The following LARGE1 variants were observed in gnomAD, a reference collection of about 807,000 sequenced individuals.
LARGE1 encodes the protein xylosyl- and glucuronyltransferase LARGE1.
LARGE1 carries 43 observed loss-of-function variants against 87.6 expected under a neutral mutation model. The observed-to-expected ratio is 0.49, with a 90% CI of 0.38 to 0.63. The LOEUF is 0.63. Among genes scored for constraint, LARGE1 ranks in the 30% least tolerant of loss-of-function variants. The pLI, the probability that LARGE1 is intolerant of heterozygous loss-of-function variation, is 0.00. For synonymous variants in LARGE1, 434 were observed against 394.6 expected, an observed-to-expected ratio of 1.10 and a Z score of -1.18; for missense variants, 802 against 1,000.2, an observed-to-expected ratio of 0.80 and a Z score of 2.67.
intron 4 of LARGE1, among the ~76,000 whole-genome samples, chr22:33,606,033 G>C (rs1450785318): frequency 1.3e-5 from 2 of 152,154 alleles, no homozygotes; most frequent in Admixed American, 6.5e-5. Flanking sequence ...TATTAGGAGT[G>C]GGGGCCGGGG....
the LARGE1 span, among the ~76,000 whole-genome samples, chr22:33,136,077 G>A: frequency 1.3e-5 from 2 of 151,898 alleles, no homozygotes; most frequent in African/African-American, 4.9e-5. Flanking sequence ...GAGAATTTAA[G>A]TAATTGGACT....
chr22:33,534,239 C>T lies in LARGE1; in HGVS notation c.787+30609G>A, dbSNP rs903550186. On this transcript the variant is annotated intron_variant, in intron 6 of 14. Transcript: ENST00000397394. ...CCAGCACGGTGAAACCCTGTCTCTA[C>T]TAAAAATACAAAAAATTAGCCGGGC... Among the ~76,000 whole-genome samples the T allele has an allele frequency of 5.3e-5, 8 of 152,132 alleles. No individual in the cohort carries two copies. In the East Asian group the frequency reaches 1.6e-3, roughly 30 times the overall value.
intron 2 of LARGE1, among the ~76,000 whole-genome samples, chr22:33,718,247 C>T (rs1291146836): frequency 6.6e-6 from 1 of 152,202 alleles, no homozygotes; most frequent in Non-Finnish European, 1.5e-5. Context: ...GCCCATCCTC[C>T]TGCTCTGAGA....
At chr22:33,876,262 T>C (rs922574259) in intron 1 of LARGE1, among the ~76,000 whole-genome samples, 3 of 152,028 alleles carry the variant, frequency 2.0e-5, no homozygotes, top group African/African-American at 7.2e-5. Flanking sequence ...CTGGTCCCCA[T>C]GATAACTCCA....
intron 6 of LARGE1, among the ~76,000 whole-genome samples, chr22:33,441,650 G>A (rs549141656): frequency 2.6e-5 from 4 of 152,116 alleles, no homozygotes; most frequent in African/African-American, 9.6e-5. Flanking sequence ...TAGACATGGG[G>A]GTCTCGCTAT....
chr22:33,576,254 T>A (rs1233162517), intron 5 of LARGE1, among the ~76,000 whole-genome samples: 1 of 152,236 alleles, frequency 6.6e-6, no homozygotes, highest in African/African-American at 2.4e-5. Flanking sequence ...AAAACACTTA[T>A]TGAGAACCAT....
At chr22:33,385,739 C>G (rs1197121218) in intron 7 of LARGE1, among the ~76,000 whole-genome samples, 23 of 147,858 alleles carry the variant, frequency 1.6e-4, no homozygotes, top group Non-Finnish European at 7.6e-5. Flanking sequence ...TCCCTGCAGG[C>G]CACTGCAGTC....
chr22:33,537,963 G>A (rs1019479768), intron 6 of LARGE1, among the ~76,000 whole-genome samples: 1 of 152,174 alleles, frequency 6.6e-6, no homozygotes, highest in Non-Finnish European at 1.5e-5. Flanking sequence ...GGTAGAAAGA[G>A]GAGGACCTGC....
At chr22:33,351,243 T>C (rs568064276) in intron 9 of LARGE1, among the ~76,000 whole-genome samples, 216 of 152,266 alleles carry the variant, frequency 1.4e-3, no homozygotes, top group African/African-American at 5.0e-3. Context: ...CACCCTGCCA[T>C]AACAGAGAAA....
At chr22:33,565,556 G>A (rs1273328418) in intron 5 of LARGE1, among the ~76,000 whole-genome samples, 1 of 128,092 alleles carries the variant, frequency 7.8e-6, no homozygotes, top group African/African-American at 2.7e-5. Flanking sequence ...TTTATTCTCA[G>A]ATAAATAAGA....
intron 12 of LARGE1, among the ~76,000 whole-genome samples, chr22:33,303,103 A>C (rs1046399005): frequency 2.0e-5 from 3 of 152,190 alleles, no homozygotes; most frequent in African/African-American, 7.2e-5. Flanking sequence ...TTTGGGCCAT[A>C]TGACTTCCAT....
the LARGE1 span, among the ~76,000 whole-genome samples, chr22:33,138,539 G>A: frequency 4.6e-5 from 7 of 152,040 alleles, no homozygotes; most frequent in African/African-American, 1.7e-4. Context: ...CACCTGCTAG[G>A]TTCAAGTGAT....
the LARGE1 span, among the ~76,000 whole-genome samples, chr22:33,134,352 G>A: frequency 6.7e-6 from 1 of 148,972 alleles, no homozygotes; most frequent in African/African-American, 2.5e-5. Context: ...TCCGCCTCCC[G>A]GGTTCACGCC....
chr22:33,187,056 CAGCCACTATGAGAAATAGT>C (rs2146181264), intron 11 of LARGE1, among the ~76,000 whole-genome samples: 1 of 152,252 alleles, frequency 6.6e-6, no homozygotes, highest in South Asian at 2.1e-4. Flanking sequence ...ATTCAAAGTA[CAGCCACTATGAGAAATAGT>C]ATGGAGGTGC....
At chr22:33,271,748 G>C (rs536054066), downstream of LARGE1, among the ~76,000 whole-genome samples, 3 of 152,348 alleles carry the variant, frequency 2.0e-5, no homozygotes, top group East Asian at 5.8e-4. Context: ...TTCTGGGAAT[G>C]CAGGCTGCTG....
chr22:33,292,661 C>G (rs1368008914), intron 12 of LARGE1, among the ~76,000 whole-genome samples: 1 of 152,108 alleles, frequency 6.6e-6, no homozygotes, highest in Non-Finnish European at 1.5e-5. Flanking sequence ...GGATTGGAGC[C>G]ACAGAGTCTG....
rs1179693852 is a variant in LARGE1 at position 33,330,510 on chromosome 22, G to C, written c.1287+7136C>G. ...GCCATTTCTTGGATATTCTTGAGGG[G>C]CTGGGTTGTTGAGGAAAAGGGAGAG... On this transcript the variant is annotated intron_variant, in intron 10 of 14. Transcript: ENST00000397394. 2.0e-5 allele frequency among the ~76,000 whole-genome samples: 3 copies of C among 152,238 alleles called. No individual in the cohort carries two copies. The East Asian group carries it at 5.8e-4, about 29-fold the overall frequency.
chr22:33,602,064 T>C (rs2148968003), intron 5 of LARGE1, among the ~76,000 whole-genome samples: 1 of 152,226 alleles, frequency 6.6e-6, no homozygotes, highest in African/African-American at 2.4e-5. Flanking sequence ...CGAGTGCATT[T>C]TAAGTCATTC....
At chr22:33,661,217 A>AT (rs11356402) in intron 2 of LARGE1, among the ~76,000 whole-genome samples, 48,800 of 141,980 alleles carry the variant, frequency 0.34, 8,382 homozygotes, top group Admixed American at 0.45. Flanking sequence ...AGGTTCTATG[A>AT]TTTTTTTTTT....
Sources: gnomAD v4.1 joint callset for allele counts (sites outside exome capture counted in the v4.1 genomes callset) on GRCh38, gnomAD v4.1.1 for gene constraint, MANE v1.5 for transcripts, NCBI Gene and HGNC (gene_info 2026-07-23, HGNC 2026-07-21) for gene names.